Variants in ADGRA1 observed in about 807,000 individuals in gnomAD.
ADGRA1 encodes the protein G-protein coupled receptor 123.
ADGRA1 carries 12 observed loss-of-function variants against 21.3 expected under a neutral mutation model. That is an observed-to-expected ratio of 0.56 (90% CI 0.36 to 0.91). ADGRA1 has a LOEUF of 0.91. Among genes scored for constraint, ADGRA1 ranks in the 40% least tolerant of loss-of-function variants. The pLI is 0.01. For missense variants in ADGRA1, 790 were observed against 805.6 expected, an observed-to-expected ratio of 0.98 and a Z score of 0.23; for synonymous variants, 385 against 368.8, an observed-to-expected ratio of 1.04 and a Z score of -0.50.
At chr10:133,088,977 C>T (rs1357925754) in intron 2 of ADGRA1, 65 bp downstream of exon 2, 1 of 1,235,006 alleles carries the variant, frequency 8.1e-7, no homozygotes, top group Non-Finnish European at 1.0e-6. Context: ...GGCGGCCACC[C>T]GTATGGGGAC....
chr10:133,122,409 C>T (rs897364615), intron 5 of ADGRA1, among the ~76,000 whole-genome samples: 2 of 152,182 alleles, frequency 1.3e-5, no homozygotes, highest in South Asian at 4.1e-4. Context: ...CAGGAGGGAT[C>T]ACAGAGCCGG....
At chr10:133,109,297 C>T (rs1438702599) in intron 5 of ADGRA1, among the ~76,000 whole-genome samples, 1 of 152,110 alleles carries the variant, frequency 6.6e-6, no homozygotes, top group Non-Finnish European at 1.5e-5. Context: ...CTCCCTGGAC[C>T]TCATCTTTCC....
chr10:133,121,376 T>G (rs768537954), intron 5 of ADGRA1, among the ~76,000 whole-genome samples: 1 of 152,094 alleles, frequency 6.6e-6, no homozygotes, highest in Admixed American at 6.6e-5. Flanking sequence ...AGGGTACGTG[T>G]GTGCATGTGT....
At chr10:133,108,909 T>C (rs12781563) in intron 5 of ADGRA1, among the ~76,000 whole-genome samples, 17,299 of 112,136 alleles carry the variant, frequency 0.15, 1,499 homozygotes, top group Non-Finnish European at 0.18. Flanking sequence ...CCTCCCCTCA[T>C]GTCCTCCATG....
chr10:133,101,878 C>T (rs1851802139), intron 4 of ADGRA1, among the ~76,000 whole-genome samples: 1 of 152,212 alleles, frequency 6.6e-6, no homozygotes, highest in African/African-American at 2.4e-5. Flanking sequence ...TCTTTCCAGC[C>T]CACCCCACAA....
intron 5 of ADGRA1, among the ~76,000 whole-genome samples, chr10:133,108,205 A>C (rs1281337790): frequency 6.6e-6 from 1 of 152,216 alleles, no homozygotes; most frequent in African/African-American, 2.4e-5. Context: ...CAGTGCAGGC[A>C]TGGTTGTAGG....
chr10:133,101,943 C>G (rs1003995787), intron 4 of ADGRA1, among the ~76,000 whole-genome samples: 4 of 152,374 alleles, frequency 2.6e-5, no homozygotes, highest in African/African-American at 9.6e-5. Flanking sequence ...AGCTCTGGAT[C>G]TGATAAATCA....
At chr10:133,124,379 G>T (rs1307004724) in intron 5 of ADGRA1, among the ~76,000 whole-genome samples, 2 of 152,128 alleles carry the variant, frequency 1.3e-5, no homozygotes, top group African/African-American at 2.4e-5. Flanking sequence ...AGCTCCCAAG[G>T]GGAAGCTGTT....
chr10:133,122,108 G>A (rs528244237), intron 5 of ADGRA1, among the ~76,000 whole-genome samples: 19 of 152,320 alleles, frequency 1.2e-4, no homozygotes, highest in Admixed American at 3.9e-4. Context: ...GAGCATGCGC[G>A]TGGTGTAAGG....
At chr10:133,091,180 G>C (rs1283986226) in intron 2 of ADGRA1, among the ~76,000 whole-genome samples, 1 of 152,222 alleles carries the variant, frequency 6.6e-6, no homozygotes, top group Non-Finnish European at 1.5e-5. Flanking sequence ...AGTTGTTCTC[G>C]AGGGCCTGAA....
At position 133,128,719 on chromosome 10, in the gene ADGRA1, C is replaced by T; in HGVS notation, c.891C>T (p.Thr297=). The part of the protein sequence containing the change: ...FSCLYGAFCV[T]LGLFVLIHHC... ...GCCTGTACGGCGCCTTCTGCGTGAC[C>T]CTGGGACTCTTCGTGCTCATCCACC... The change falls in exon 7 of 7, where the codon ACC becomes ACT. Residue 297 remains threonine (T), a synonymous_variant. Transcript: ENST00000392607. 3 of 1,612,182 alleles carry T rather than the reference C, an allele frequency of 1.9e-6. No homozygotes were observed. The highest frequency in any genetic ancestry group is 2.5e-6 in the Non-Finnish European group (3 of 1,179,626).
rs1483509229 is a variant in ADGRA1 at position 133,128,481 on chromosome 10, A to T, written c.653A>T (p.Gln218Leu). Residue 218 changes from glutamine (Q) to leucine (L), a missense_variant, in exon 7 of 7, where the codon CAG becomes CTG. Coordinates refer to ENST00000392607, the MANE Select transcript of ADGRA1 (RefSeq NM_001083909.3). ...GAGCTGCGCACACAGCCCGAGGAGC[A>T]GCGGCGGCTGGCGACACCCGAGGGC... ...RYELRTQPEE[Q>L]RRLATPEGGR... 6.4e-7 allele frequency: 1 copy of T among 1,569,290 alleles called. No homozygotes were observed. Among genetic ancestry groups the T allele is most frequent in the Admixed American group, 1.8e-5 (1 of 54,220 alleles).
chr10:133,112,057 A>G (rs1324794576), intron 5 of ADGRA1, among the ~76,000 whole-genome samples: 4 of 151,554 alleles, frequency 2.6e-5, no homozygotes, highest in Admixed American at 6.6e-5. Context: ...CCTGCCTGCC[A>G]TGGGCATCTC....
rs1297886454 is a variant in ADGRA1 at position 133,123,532 on chromosome 10, CTG to C, written c.402-3695_402-3694del. On this transcript the variant is annotated intron_variant, in intron 5 of 6. Coordinates refer to ENST00000392607, the MANE Select transcript of ADGRA1 (RefSeq NM_001083909.3). Reference sequence around the variant, plus strand: ...GAGCAGCAGCACGCCCGTCCTGTAACTGTGTGTAGCTGGGGTTCACCGCACAG... The same window carrying C: ...GAGCAGCAGCACGCCCGTCCTGTAACTGTGTAGCTGGGGTTCACCGCACAG... Among the ~76,000 whole-genome samples the C allele has an allele frequency of 8.5e-5, 13 of 152,358 alleles. No individual in the cohort carries two copies. The South Asian group carries it at 2.5e-3, about 29-fold the overall frequency.
intron 2 of ADGRA1, chr10:133,093,370 C>A: frequency 7.7e-7 from 1 of 1,294,974 alleles, no homozygotes; most frequent in Non-Finnish European, 1.0e-6. Flanking sequence ...GCAGAACACA[C>A]CAAAGAGGAG....
chr10:133,105,776 G>A (rs926291551), intron 5 of ADGRA1, among the ~76,000 whole-genome samples: 2 of 152,192 alleles, frequency 1.3e-5, no homozygotes, highest in African/African-American at 2.4e-5. Context: ...TCTGGTCAGG[G>A]CAAGGTCAAG....
At chr10:133,120,045 C>CT (rs1852227161) in intron 5 of ADGRA1, among the ~76,000 whole-genome samples, 1 of 152,240 alleles carries the variant, frequency 6.6e-6, no homozygotes, top group Non-Finnish European at 1.5e-5. Flanking sequence ...GCATTGACTT[C>CT]TCTCTAGCCA....
rs199841510 is a variant in ADGRA1, at chr10:133,098,657, G to A, written c.149G>A (p.Arg50His). 53 of 1,609,940 alleles carry A rather than the reference G, an allele frequency of 3.3e-5. No homozygotes were observed. The highest frequency in any genetic ancestry group is 4.5e-5 in the East Asian group (2 of 44,868). ...TCCCACAGCGCCATCCGCATCAGCC[G>A]CAAGGGCCGGCACACGCTCCTGAAT... is the stretch of plus-strand genomic sequence containing the variant. ...IVHQSAIRIS[R>H]KGRHTLLNFC... The change falls in exon 4 of 7, where the codon CGC becomes CAC. Residue 50 changes from arginine to histidine, a missense_variant. Arg to His is a conservative substitution (Grantham distance 29). Transcript: ENST00000392607.
intron 5 of ADGRA1, among the ~76,000 whole-genome samples, chr10:133,126,845 G>A (rs1268517878): frequency 1.3e-5 from 2 of 152,194 alleles, no homozygotes; most frequent in African/African-American, 4.8e-5. Context: ...CTACCCGCGG[G>A]GAGGGGCCAT....
Sources: allele counts gnomAD v4.1 joint callset (sites outside exome capture counted in the v4.1 genomes callset), GRCh38; gene constraint gnomAD v4.1.1; transcripts MANE v1.5; gene names NCBI Gene and HGNC (gene_info 2026-07-23, HGNC 2026-07-21).